NOX4: variants seen among roughly 807,000 people sequenced by gnomAD.
NOX4 encodes the protein NADPH oxidase 4.
NOX4 carries 69 observed loss-of-function variants against 87.6 expected under a neutral mutation model. The observed-to-expected ratio is 0.79, with a 90% CI of 0.65 to 0.96. The LOEUF (loss-of-function observed/expected upper bound fraction) is 0.96. Among genes scored for constraint, NOX4 ranks in the 40% least tolerant of loss-of-function variants. The pLI is 0.00. For missense variants in NOX4, 680 were observed against 681.5 expected, an observed-to-expected ratio of 1.00 and a Z score of 0.02; for synonymous variants, 275 against 238.2, an observed-to-expected ratio of 1.15 and a Z score of -1.42.
At chr11:89,417,937 A>G in intron 8 of NOX4, among the ~76,000 whole-genome samples, 2 of 152,196 alleles carry the variant, frequency 1.3e-5, no homozygotes, top group Middle Eastern at 3.4e-3. Context: ...TCTATAATAT[A>G]CTAACATCTT....
chr11:89,500,124 T>C (rs967214954), upstream of NOX4, among the ~76,000 whole-genome samples: 6 of 152,180 alleles, frequency 3.9e-5, no homozygotes, highest in African/African-American at 1.4e-4. Flanking sequence ...GAAAGATTAT[T>C]GTGTAAGATC....
intron 8 of NOX4, among the ~76,000 whole-genome samples, chr11:89,404,956 A>G (rs1293702205): frequency 6.6e-6 from 1 of 152,144 alleles, no homozygotes; most frequent in African/African-American, 2.4e-5. Context: ...TTAACTAAGT[A>G]TAGTCAAAGC....
intron 12 of NOX4, among the ~76,000 whole-genome samples, chr11:89,358,760 T>TAA (rs879734185): frequency 1.4e-5 from 2 of 139,844 alleles, no homozygotes; most frequent in African/African-American, 2.6e-5. Context: ...ATTTGTTAAG[T>TAA]AAAAAAAAAA....
chr11:89,443,182 T>C (rs1425860444), intron 5 of NOX4, among the ~76,000 whole-genome samples: 1 of 152,192 alleles, frequency 6.6e-6, no homozygotes, highest in African/African-American at 2.4e-5. Context: ...AGACAAGGGC[T>C]ATATCAAAAG....
rs370977715 is a variant in NOX4 at position 89,326,775 on chromosome 11, T to C, written c.1718A>G (p.Asn573Ser). ...NNSYGTRFEY[N>S]KESFS The stretch of plus-strand genomic sequence containing the variant: ...AAGTTTTCAGCTGAAAGACTCTTTA[T>C]TGTATTCAAATCTTGTCCCATATGA... Residue 573 changes from asparagine (N) to serine (S), a missense_variant, in exon 18 of 18, where the codon AAT (asparagine) becomes AGT (serine). Coordinates refer to ENST00000263317, the MANE Select transcript of NOX4 (RefSeq NM_016931.5). 1 of 1,613,332 alleles carries C rather than the reference T, an allele frequency of 6.2e-7. No individual in the cohort carries two copies. The highest frequency in any genetic ancestry group is 8.5e-7 in the Non-Finnish European group (1 of 1,179,504).
At chr11:89,427,587 G>A (rs1373450694) in intron 7 of NOX4, among the ~76,000 whole-genome samples, 2 of 152,160 alleles carry the variant, frequency 1.3e-5, no homozygotes, top group South Asian at 4.1e-4. Context: ...ACAAGCTTCA[G>A]TAGCCGATTC....
At chr11:89,466,576 A>G (rs1029142552) in intron 2 of NOX4, among the ~76,000 whole-genome samples, 4 of 152,206 alleles carry the variant, frequency 2.6e-5, no homozygotes, top group African/African-American at 2.4e-5. Flanking sequence ...TTATTAATCG[A>G]ACACATATTT....
chr11:89,415,357 T>C (rs1591168080), intron 8 of NOX4, among the ~76,000 whole-genome samples: 1 of 152,112 alleles, frequency 6.6e-6, no homozygotes, highest in East Asian at 1.9e-4. Context: ...AATGCCCCAG[T>C]GGCTTTTATT....
chr11:89,445,283 T>A (rs1944646987), intron 4 of NOX4, among the ~76,000 whole-genome samples: 1 of 152,056 alleles, frequency 6.6e-6, no homozygotes, highest in African/African-American at 2.4e-5. Flanking sequence ...TAGAAAACTC[T>A]ATAATTTCCC....
the NOX4 span, among the ~76,000 whole-genome samples, chr11:89,561,177 C>A: frequency 6.8e-6 from 1 of 147,270 alleles, no homozygotes; most frequent in Non-Finnish European, 1.5e-5. Context: ...TCTAGCCTAT[C>A]CATAGTATCT....
In NOX4 at chr11:89,361,828, A is replaced by T. The variant is rs551958943; in HGVS notation, c.1136-6785T>A. Among the ~76,000 whole-genome samples the T allele has an allele frequency of 4.6e-5, 7 of 152,214 alleles. No individual in the cohort carries two copies. The South Asian group carries it at 8.3e-4, about 18-fold the overall frequency. Reference sequence around the variant, plus strand: ...AGGGGTCATGTAGTTGATACAGAGAAGTATCCCCCAAGTGCCTCTTCAGTG... The same window carrying T: ...AGGGGTCATGTAGTTGATACAGAGATGTATCCCCCAAGTGCCTCTTCAGTG... On this transcript the variant is annotated intron_variant, in intron 12 of 17. Coordinates refer to ENST00000263317, the MANE Select transcript of NOX4 (RefSeq NM_016931.5).
At chr11:89,422,451 T>C (rs1943131036) in intron 7 of NOX4, among the ~76,000 whole-genome samples, 1 of 152,154 alleles carries the variant, frequency 6.6e-6, no homozygotes, top group Non-Finnish European at 1.5e-5. Flanking sequence ...TATTTTTTCC[T>C]GGACAGTGTA....
At chr11:89,560,204 A>G in the NOX4 span, among the ~76,000 whole-genome samples, 1 of 152,154 alleles carries the variant, frequency 6.6e-6, no homozygotes, top group Non-Finnish European at 1.5e-5. Flanking sequence ...AGAGACAGAG[A>G]TTGGAGCGAT....
intron 15 of NOX4, among the ~76,000 whole-genome samples, chr11:89,339,716 C>T (rs954757064): frequency 2.6e-5 from 4 of 152,092 alleles, no homozygotes; most frequent in Admixed American, 2.6e-4. Flanking sequence ...CAGCAGGAGC[C>T]TTCTGGTATT....
chr11:89,365,770 A>AC (rs1257891332), intron 12 of NOX4, among the ~76,000 whole-genome samples: 1 of 151,422 alleles, frequency 6.6e-6, no homozygotes, highest in Non-Finnish European at 1.5e-5. Context: ...AAAAAAAAAA[A>AC]AAAAAACAGG....
the NOX4 span, among the ~76,000 whole-genome samples, chr11:89,572,455 T>C: frequency 6.6e-6 from 1 of 152,230 alleles, no homozygotes; most frequent in Admixed American, 6.5e-5. Context: ...TTATGACTAG[T>C]GTTTGGCTAA....
intron 11 of NOX4, among the ~76,000 whole-genome samples, chr11:89,382,462 A>G (rs1356983837): frequency 6.6e-6 from 1 of 152,132 alleles, no homozygotes; most frequent in Non-Finnish European, 1.5e-5. Context: ...GAGGTGCCTG[A>G]CATCCAGGCA....
chr11:89,390,580 C>A (rs574365361), intron 11 of NOX4, among the ~76,000 whole-genome samples: 225 of 152,248 alleles, frequency 1.5e-3, no homozygotes, highest in African/African-American at 5.2e-3. Flanking sequence ...CAAAACCTAA[C>A]CTTGTAGAGT....
At chr11:89,441,073 T>G (rs1944433667) in intron 5 of NOX4, among the ~76,000 whole-genome samples, 1 of 152,186 alleles carries the variant, frequency 6.6e-6, no homozygotes, top group African/African-American at 2.4e-5. Flanking sequence ...TATTATTATA[T>G]ACTCTGTCTA....
Sources: allele counts gnomAD v4.1 joint callset (sites outside exome capture counted in the v4.1 genomes callset), GRCh38; gene constraint gnomAD v4.1.1; transcripts MANE v1.5; gene names NCBI Gene and HGNC (gene_info 2026-07-23, HGNC 2026-07-21).